CNTNAP2: variants seen among roughly 807,000 people sequenced by gnomAD.
CNTNAP2 encodes contactin-associated protein-like 2.
A neutral mutation model predicts 155.2 loss-of-function variants in CNTNAP2; 98 were observed. That is an observed-to-expected ratio of 0.63 (90% CI 0.54 to 0.75). CNTNAP2 has a LOEUF of 0.75. Ranked by LOEUF, CNTNAP2 falls within the 30% of genes least tolerant of loss-of-function variation. The pLI, the probability that CNTNAP2 is intolerant of heterozygous loss-of-function variation, is 0.00. For synonymous variants in CNTNAP2, 651 were observed against 631.2 expected (o/e 1.03, Z -0.47); for missense variants, 1,727 against 1,688.1 (o/e 1.02, Z -0.40).
At chr7:146,963,949 A>AC (rs1797606119) in intron 3 of CNTNAP2, among the ~76,000 whole-genome samples, 1 of 149,058 alleles carries the variant, frequency 6.7e-6, no homozygotes, top group African/African-American at 2.5e-5. Flanking sequence ...AGACAGGATG[A>AC]TTTTTTTTTT....
At chr7:146,826,857 T>TAGAGAGAGAGAGAG (rs1554485885) in intron 2 of CNTNAP2, among the ~76,000 whole-genome samples, 2 of 138,976 alleles carry the variant, frequency 1.4e-5, no homozygotes, top group African/African-American at 5.4e-5. Context: ...TATATATATA[T>TAGAGAGAGAGAGAG]AGAGAGAGAG....
chr7:147,671,344 G>C (rs1306453729), intron 13 of CNTNAP2, among the ~76,000 whole-genome samples: 6 of 152,044 alleles, frequency 3.9e-5, no homozygotes, highest in African/African-American at 1.2e-4. Context: ...AAAGTGTAGA[G>C]GAGGACCGGA....
chr7:146,347,258 A>G (rs1794833869), intron 1 of CNTNAP2, among the ~76,000 whole-genome samples: 1 of 152,160 alleles, frequency 6.6e-6, no homozygotes, highest in Non-Finnish European at 1.5e-5. Context: ...AGGAAATGAA[A>G]TAGGAAGAAT....
intron 8 of CNTNAP2, among the ~76,000 whole-genome samples, chr7:147,224,841 CA>C (rs1454399348): frequency 2.6e-5 from 4 of 152,088 alleles, no homozygotes; most frequent in Admixed American, 1.3e-4. Flanking sequence ...TACAATGAAA[CA>C]TATTAATTAT....
intron 4 of CNTNAP2, among the ~76,000 whole-genome samples, chr7:147,102,647 G>A (rs1800680655): frequency 6.6e-6 from 1 of 152,148 alleles, no homozygotes; most frequent in Non-Finnish European, 1.5e-5. Flanking sequence ...AAGTAGAAGT[G>A]ATTTTCAGAT....
intron 1 of CNTNAP2, among the ~76,000 whole-genome samples, chr7:146,243,540 T>A (rs572497893): frequency 6.6e-6 from 1 of 152,284 alleles, no homozygotes; most frequent in South Asian, 2.1e-4. Flanking sequence ...AAGCAAAATA[T>A]TGGGGTTTGT....
intron 10 of CNTNAP2, among the ~76,000 whole-genome samples, chr7:147,447,826 C>T (rs1210765844): frequency 6.6e-6 from 1 of 151,678 alleles, no homozygotes; most frequent in Non-Finnish European, 1.5e-5. Flanking sequence ...TATGTACACA[C>T]TTGTGTTAAT....
At chr7:147,595,428 T>C (rs1234380109) in intron 12 of CNTNAP2, among the ~76,000 whole-genome samples, 1 of 152,212 alleles carries the variant, frequency 6.6e-6, no homozygotes, top group Non-Finnish European at 1.5e-5. Context: ...GGTCTGGATA[T>C]AAATGTTACT....
intron 3 of CNTNAP2, among the ~76,000 whole-genome samples, chr7:146,889,985 G>T (rs141517341): frequency 6.6e-6 from 1 of 152,058 alleles, no homozygotes; most frequent in Non-Finnish European, 1.5e-5. Context: ...CTAGCCAAGC[G>T]TCTATCACTT....
intron 21 of CNTNAP2, among the ~76,000 whole-genome samples, chr7:148,367,245 G>T (rs538953073): frequency 7.2e-6 from 1 of 138,420 alleles, no homozygotes; most frequent in African/African-American, 2.8e-5. Context: ...AAAAATAAAA[G>T]AAAAGAAAAA....
intron 4 of CNTNAP2, among the ~76,000 whole-genome samples, chr7:147,093,240 C>CAAAAAAAAAAA (rs530286124): frequency 5.5e-5 from 3 of 54,298 alleles, no homozygotes; most frequent in Non-Finnish European, 8.9e-5. Flanking sequence ...GACTCCATCT[C>CAAAAAAAAAAA]AAAAAAAAAA....
intron 22 of CNTNAP2, among the ~76,000 whole-genome samples, chr7:148,398,548 C>T (rs948567242): frequency 6.6e-6 from 1 of 152,184 alleles, no homozygotes; most frequent in African/African-American, 2.4e-5. Flanking sequence ...CAAAGTATGG[C>T]CTTTGAATTT....
intron 1 of CNTNAP2, among the ~76,000 whole-genome samples, chr7:146,459,500 G>A (rs922843002): frequency 1.3e-5 from 2 of 152,102 alleles, no homozygotes; most frequent in Admixed American, 1.3e-4. Context: ...TTGCCTCCTT[G>A]CTTCAAAGGA....
Position 148,383,882 on chromosome 7 carries a change from G to C in CNTNAP2, c.3709G>C (p.Asp1237His). Residue 1237 changes from aspartate (D) to histidine (H), a missense_variant, in exon 22 of 24, where the codon GAT (aspartate) becomes CAT (histidine). Physicochemically the swap from Asp to His is moderately conservative, Grantham distance 81. Transcript: ENST00000361727. Reference protein sequence around the residue: ...ATDPWHLDHLDSASADFPYNP... With the variant: ...ATDPWHLDHLHSASADFPYNP... ...CGACCCCTGGCACCTGGATCACCTG[G>C]ATTCAGGTAAAGTCTTCAGCAACCT... 5 of 1,613,618 alleles carry C rather than the reference G, an allele frequency of 3.1e-6. No individual in the cohort carries two copies. The highest frequency in any genetic ancestry group is 3.4e-6 in the Non-Finnish European group (4 of 1,179,918).
At chr7:147,981,815 GT>G (rs1184944695) in intron 15 of CNTNAP2, among the ~76,000 whole-genome samples, 162 of 146,760 alleles carry the variant, frequency 1.1e-3, no homozygotes, top group Middle Eastern at 3.7e-3. Context: ...GTGTGTGTGT[GT>G]GGTTTTTTTT....
chr7:147,910,819 T>C, intron 14 of CNTNAP2, among the ~76,000 whole-genome samples: 1 of 152,138 alleles, frequency 6.6e-6, no homozygotes, highest in East Asian at 1.9e-4. Flanking sequence ...CCTTAACATG[T>C]GGGGATTATT....
At chr7:146,316,851 G>T (rs1233787457) in intron 1 of CNTNAP2, among the ~76,000 whole-genome samples, 1 of 152,000 alleles carries the variant, frequency 6.6e-6, no homozygotes, top group Non-Finnish European at 1.5e-5. Context: ...CTCTATCAGA[G>T]GGGCACTGCT....
At chr7:147,889,248 C>G (rs1017109895) in intron 13 of CNTNAP2, among the ~76,000 whole-genome samples, 3 of 151,588 alleles carry the variant, frequency 2.0e-5, no homozygotes, top group Admixed American at 1.3e-4. Context: ...CAATAAAAAG[C>G]AAACAAGAGA....
intron 1 of CNTNAP2, among the ~76,000 whole-genome samples, chr7:146,289,694 C>T (rs1456928625): frequency 3.9e-5 from 6 of 152,124 alleles, no homozygotes; most frequent in Non-Finnish European, 7.4e-5. Flanking sequence ...AATTAATTTA[C>T]TCTTTTATCA....
Sources: allele counts gnomAD v4.1 joint callset (sites outside exome capture counted in the v4.1 genomes callset), GRCh38; gene constraint gnomAD v4.1.1; transcripts MANE v1.5; gene names NCBI Gene and HGNC (gene_info 2026-07-23, HGNC 2026-07-21).